The following CALN1 variants were observed in gnomAD, a reference collection of about 807,000 sequenced individuals.
The protein encoded by CALN1 is calneuron 1.
In CALN1, 17 loss-of-function variants were observed where a neutral mutation model predicts 30.6. That is an observed-to-expected ratio of 0.56 (90% CI 0.38 to 0.83). CALN1 has a LOEUF of 0.83. CALN1 is among the 40% of genes least tolerant of loss of function. The pLI, the probability that CALN1 is intolerant of heterozygous loss-of-function variation, is 0.00. For synonymous variants in CALN1, 156 were observed against 131.4 expected (o/e 1.19, Z -1.28); for missense variants, 291 against 354.9 (o/e 0.82, Z 1.45).
At chr7:72,415,701 G>A (rs1807399559), upstream of CALN1, among the ~76,000 whole-genome samples, 1 of 152,162 alleles carries the variant, frequency 6.6e-6, no homozygotes, top group Admixed American at 6.5e-5. Context: ...CAGTTTCGTC[G>A]ATCCTCCTGG....
chr7:72,274,488 A>G (rs1417840368), intron 3 of CALN1, among the ~76,000 whole-genome samples: 1 of 147,540 alleles, frequency 6.8e-6, no homozygotes, highest in Non-Finnish European at 1.5e-5. Context: ...AGCCTCGGTG[A>G]GAGTGAGACT....
chr7:72,263,004 G>C (rs1241132078), intron 3 of CALN1, among the ~76,000 whole-genome samples: 2 of 152,220 alleles, frequency 1.3e-5, no homozygotes, highest in African/African-American at 4.8e-5. Flanking sequence ...TTTACATTGT[G>C]AAGTGGGCCT....
At chr7:72,459,661 A>G in the CALN1 span, among the ~76,000 whole-genome samples, 1 of 151,822 alleles carries the variant, frequency 6.6e-6, no homozygotes, top group Non-Finnish European at 1.5e-5. Flanking sequence ...GACCAACCTA[A>G]ATGTGGAAAT....
upstream of CALN1, among the ~76,000 whole-genome samples, chr7:72,413,220 CACACATAT>C (rs1807288917): frequency 6.6e-6 from 1 of 151,392 alleles, no homozygotes; most frequent in Admixed American, 6.7e-5. Flanking sequence ...CACACTCATA[CACACATAT>C]ACACTCACAC....
At chr7:71,916,516 C>T (rs1794696499) in intron 5 of CALN1, among the ~76,000 whole-genome samples, 1 of 152,016 alleles carries the variant, frequency 6.6e-6, no homozygotes, top group Non-Finnish European at 1.5e-5. Flanking sequence ...CATGTCCTTG[C>T]CAGGAACATG....
chr7:72,413,236 C>T (rs1358469789), upstream of CALN1, among the ~76,000 whole-genome samples: 11 of 151,624 alleles, frequency 7.3e-5, no homozygotes, highest in Admixed American at 7.2e-4. Flanking sequence ...TATACACTCA[C>T]ACACACCACA....
intron 1 of CALN1, among the ~76,000 whole-genome samples, chr7:72,419,620 C>T (rs1807544213): frequency 2.0e-5 from 3 of 152,226 alleles, no homozygotes; most frequent in South Asian, 4.2e-4. Flanking sequence ...CTTGGAGCCT[C>T]GGCCCTAAGT....
chr7:72,286,810 A>G (rs1585365614), intron 2 of CALN1, among the ~76,000 whole-genome samples: 2 of 152,232 alleles, frequency 1.3e-5, no homozygotes, highest in East Asian at 3.8e-4. Context: ...AACTTTCAAG[A>G]AGAAGTACAG....
intron 5 of CALN1, among the ~76,000 whole-genome samples, chr7:71,978,754 ACACTAGAGATC>A (rs1292296210): frequency 1.3e-5 from 2 of 152,194 alleles, no homozygotes; most frequent in Non-Finnish European, 2.9e-5. Flanking sequence ...GTCATAGGCA[ACACTAGAGATC>A]CATCCTCCAT....
intron 4 of CALN1, among the ~76,000 whole-genome samples, chr7:72,088,742 A>G (rs1195253510): frequency 6.7e-6 from 1 of 148,332 alleles, no homozygotes; most frequent in South Asian, 2.2e-4. Flanking sequence ...AGAAGGAAGG[A>G]AGGGAAGGAA....
In CALN1 at chr7:72,106,143, G is replaced by A. The variant is rs1168048974; in HGVS notation, c.388+8C>T. On this transcript the variant is annotated splice_region_variant and intron_variant, in intron 4 of 6. Transcript: ENST00000395275. ...TCTCAGGGGAGAAGCTGCTTGTCCG[G>A]GTCTTACCGTCCATGTCCAAGCGCT... 1.9e-6 allele frequency: 3 copies of A among 1,612,934 alleles called. No individual in the cohort carries two copies. The highest frequency in any genetic ancestry group is 2.2e-5 in the East Asian group (1 of 44,824).
chr7:71,983,824 A>AT (rs1214654898), intron 5 of CALN1, among the ~76,000 whole-genome samples: 1 of 151,952 alleles, frequency 6.6e-6, no homozygotes, highest in Non-Finnish European at 1.5e-5. Context: ...GAGCCACCAC[A>AT]CCCAGCTGAT....
chr7:72,252,156 T>C (rs997676434), intron 3 of CALN1, among the ~76,000 whole-genome samples: 6 of 152,086 alleles, frequency 3.9e-5, no homozygotes, highest in African/African-American at 1.4e-4. Flanking sequence ...CTGGACTTTC[T>C]TTCTCCCCTC....
At chr7:72,483,695 C>T in the CALN1 span, among the ~76,000 whole-genome samples, 6 of 152,142 alleles carry the variant, frequency 3.9e-5, no homozygotes, top group Non-Finnish European at 8.8e-5. Context: ...AATATTTTTT[C>T]TGCAATCCCT....
chr7:72,164,329 T>C lies in CALN1; in HGVS notation c.245-58035A>G, dbSNP rs1460488775. ...TCACGCCATTGCACTCCAGCCTGGG[T>C]GACAAGAGCAACACTCCGTCAAAAA... On this transcript the variant is annotated intron_variant, in intron 3 of 6. Transcript: ENST00000395275. Among the ~76,000 whole-genome samples the C allele has an allele frequency of 6.9e-5, 9 of 130,466 alleles. No individual in the cohort carries two copies. The Admixed American group carries it at 8.1e-4, about 12-fold the overall frequency. The allele number at this position is 130,466 out of a possible 152,430, so 85.6% of individuals were successfully genotyped here.
At chr7:72,470,125 A>G in the CALN1 span, among the ~76,000 whole-genome samples, 1 of 152,214 alleles carries the variant, frequency 6.6e-6, no homozygotes, top group East Asian at 1.9e-4. Flanking sequence ...TGCTCTGAAC[A>G]TGGTAGGCCA....
Position 72,433,266 on chromosome 7 carries a change from T to A in CALN1, c.-226+13776A>T, listed in dbSNP as rs978899109. ...GGACAGAAAAATAGATTAACTGCTA[T>A]CCAAACAAGAGAACACATCCACAAG... On this transcript the variant is annotated intron_variant, in intron 1 of 6. Coordinates refer to the CALN1 transcript ENST00000395276. Among the ~76,000 whole-genome samples the A allele has an allele frequency of 7.2e-5, 11 of 152,058 alleles. 1 individual carries two copies. The highest frequency in any genetic ancestry group is 1.5e-5 in the Non-Finnish European group (1 of 68,010).
At chr7:72,185,245 A>T (rs1790102154) in intron 3 of CALN1, among the ~76,000 whole-genome samples, 1 of 152,092 alleles carries the variant, frequency 6.6e-6, no homozygotes, top group African/African-American at 2.4e-5. Context: ...TGGGAAAGAG[A>T]TCCAATCTCT....
In CALN1 at chr7:72,410,756, T is replaced by C. The variant is rs899110041; in HGVS notation, c.-74+1302A>G. On this transcript the variant is annotated intron_variant, in intron 1 of 6. Coordinates refer to ENST00000395275, the MANE Select transcript of CALN1 (RefSeq NM_031468.4). ...AAAATAGGGAACTATATATATTTCCTGAACATAAATACACACACCTCCGTA... is the reference window on the plus strand; with the variant it reads ...AAAATAGGGAACTATATATATTTCCCGAACATAAATACACACACCTCCGTA... Among the ~76,000 whole-genome samples the C allele has an allele frequency of 5.3e-5, 8 of 152,156 alleles. 1 individual carries two copies. Among genetic ancestry groups the C allele is most frequent in the African/African-American group, 7.2e-5 (3 of 41,434 alleles).
Sources: allele counts gnomAD v4.1 joint callset (sites outside exome capture counted in the v4.1 genomes callset), GRCh38; gene constraint gnomAD v4.1.1; transcripts MANE v1.5; gene names NCBI Gene and HGNC (gene_info 2026-07-23, HGNC 2026-07-21).